The following RGS6 variants were observed in gnomAD, a reference collection of about 807,000 sequenced individuals.
RGS6 encodes regulator of G protein signaling 6.
RGS6 carries 30 observed loss-of-function variants against 78.5 expected under a neutral mutation model. The observed-to-expected ratio is 0.38, with a 90% CI of 0.29 to 0.52. The LOEUF is 0.52. Among genes scored for constraint, RGS6 ranks in the 20% least tolerant of loss-of-function variants. RGS6 has a pLI of 0.85. For synonymous variants in RGS6, 206 were observed against 206.0 expected (o/e 1.00, Z 0.00); for missense variants, 495 against 609.7 (o/e 0.81, Z 1.98).
chr14:72,590,058 C>T, the RGS6 span, among the ~76,000 whole-genome samples: 9 of 152,308 alleles, frequency 5.9e-5, no homozygotes, highest in African/African-American at 1.7e-4. Flanking sequence ...CATTAGTAGT[C>T]ATCAGAGAAA....
intron 2 of RGS6, among the ~76,000 whole-genome samples, chr14:72,246,280 C>T (rs1455126358): frequency 6.6e-6 from 1 of 152,206 alleles, no homozygotes; most frequent in Non-Finnish European, 1.5e-5. Flanking sequence ...CCCTGTGATA[C>T]TACCTAGTCC....
At chr14:72,400,651 G>A (rs1596871602) in intron 3 of RGS6, among the ~76,000 whole-genome samples, 2 of 152,318 alleles carry the variant, frequency 1.3e-5, no homozygotes, top group South Asian at 4.1e-4. Flanking sequence ...TAATTGTTCA[G>A]TATTGTTTCT....
chr14:72,565,371 A>G lies in RGS6; in HGVS notation c.*2904A>G, dbSNP rs2097705212. 6.6e-6 allele frequency: 1 copy of G among 152,262 alleles called. No individual in the cohort carries two copies. Among genetic ancestry groups the G allele is most frequent in the Admixed American group, 6.5e-5 (1 of 15,290 alleles). The allele number at this position is 152,262 out of a possible 1,614,324, so 9.4% of individuals were successfully genotyped here. A position where few individuals can be genotyped will look rare whatever the true frequency, so the allele number is the denominator to read the frequency against. On this transcript the variant is annotated 3_prime_UTR_variant, in exon 18 of 18. Coordinates refer to ENST00000553525, the MANE Select transcript of RGS6 (RefSeq NM_001204424.2). ...ACCTTTCCCTACATGGGAAGAGGAA[A>G]GCTTGTAGGCTGGCACATATAAACG...
chr14:72,034,224 G>C (rs2091345006), intron 2 of RGS6, among the ~76,000 whole-genome samples: 1 of 152,118 alleles, frequency 6.6e-6, no homozygotes, highest in South Asian at 2.1e-4. Flanking sequence ...AGAAGTGGCA[G>C]GAGTGGGCCT....
rs959017297 is a variant in RGS6 at position 72,081,590 on chromosome 14, A to G, written c.84+116715A>G. On this transcript the variant is annotated intron_variant, in intron 2 of 17. Transcript: ENST00000553525. Reference sequence around the variant, plus strand: ...TTGCAGACGAGAAGTCTGATGGTAGACTAATTATTTTCCCTTTTTAACTTA... The same window carrying G: ...TTGCAGACGAGAAGTCTGATGGTAGGCTAATTATTTTCCCTTTTTAACTTA... 4.6e-5 allele frequency among the ~76,000 whole-genome samples: 7 copies of G among 152,206 alleles called. No homozygotes were observed. The East Asian group carries it at 1.3e-3, about 29-fold the overall frequency.
chr14:72,200,485 A>G (rs748262730), intron 2 of RGS6, among the ~76,000 whole-genome samples: 1 of 152,182 alleles, frequency 6.6e-6, no homozygotes, highest in Non-Finnish European at 1.5e-5. Context: ...TTGCACTTGA[A>G]GCTTTTTGTC....
intron 13 of RGS6, among the ~76,000 whole-genome samples, chr14:72,507,117 C>T (rs933125391): frequency 4.6e-5 from 7 of 151,706 alleles, no homozygotes; most frequent in South Asian, 2.1e-4. Flanking sequence ...TGCAGTGAGC[C>T]GAGATCACCC....
intron 2 of RGS6, among the ~76,000 whole-genome samples, chr14:72,225,943 T>G (rs1030804572): frequency 6.6e-6 from 1 of 152,202 alleles, no homozygotes; most frequent in Admixed American, 6.5e-5. Flanking sequence ...CTTTCTATGC[T>G]TATAGCCATT....
intron 17 of RGS6, among the ~76,000 whole-genome samples, chr14:72,557,446 C>T (rs377618907): frequency 6.6e-6 from 1 of 152,160 alleles, no homozygotes; most frequent in Non-Finnish European, 1.5e-5. Context: ...CGGGAGTCAC[C>T]CGATGAAGTC....
At chr14:71,941,082 A>G (rs916353913) in intron 1 of RGS6, among the ~76,000 whole-genome samples, 3 of 152,178 alleles carry the variant, frequency 2.0e-5, no homozygotes, top group Non-Finnish European at 4.4e-5. Context: ...TGAAGCTGGG[A>G]GACAGAATCC....
At chr14:72,184,823 T>A (rs189963066) in intron 2 of RGS6, among the ~76,000 whole-genome samples, 1 of 152,352 alleles carries the variant, frequency 6.6e-6, no homozygotes, top group African/African-American at 2.4e-5. Flanking sequence ...TGTATTTATA[T>A]GTATTGTCTT....
intron 3 of RGS6, among the ~76,000 whole-genome samples, chr14:72,357,253 C>T (rs569195832): frequency 7.8e-4 from 118 of 150,746 alleles, no homozygotes; most frequent in African/African-American, 2.8e-3. Context: ...GTCTGTGAGA[C>T]CCTGTCTCAG....
chr14:72,176,183 G>A (rs544219753), intron 2 of RGS6, among the ~76,000 whole-genome samples: 2 of 152,326 alleles, frequency 1.3e-5, no homozygotes, highest in African/African-American at 2.4e-5. Flanking sequence ...TGATGTAAGT[G>A]CATTGCTTTG....
intron 2 of RGS6, among the ~76,000 whole-genome samples, chr14:72,295,960 G>A (rs1042686829): frequency 2.0e-5 from 3 of 152,168 alleles, no homozygotes; most frequent in Non-Finnish European, 2.9e-5. Context: ...GTAACCCACA[G>A]CTCTACCAAA....
intron 2 of RGS6, among the ~76,000 whole-genome samples, chr14:72,104,972 G>T (rs530738611): frequency 6.6e-6 from 1 of 152,320 alleles, no homozygotes; most frequent in South Asian, 2.1e-4. Context: ...AAATATTTAA[G>T]AATCAGTCGA....
chr14:72,294,806 G>T (rs2064369465), intron 2 of RGS6, among the ~76,000 whole-genome samples: 1 of 152,104 alleles, frequency 6.6e-6, no homozygotes, highest in African/African-American at 2.4e-5. Context: ...AACCGTTCAC[G>T]AAGGATCCAC....
At chr14:72,288,716 C>G (rs571293710) in intron 2 of RGS6, among the ~76,000 whole-genome samples, 1 of 152,078 alleles carries the variant, frequency 6.6e-6, no homozygotes, top group Admixed American at 6.6e-5. Context: ...GAAAGAAGGC[C>G]GGGCACATTA....
chr14:72,043,240 T>C (rs1295841501), intron 2 of RGS6, among the ~76,000 whole-genome samples: 1 of 152,200 alleles, frequency 6.6e-6, no homozygotes, highest in Non-Finnish European at 1.5e-5. Flanking sequence ...TTGAAACTTT[T>C]ATTTAGTCAA....
intron 2 of RGS6, among the ~76,000 whole-genome samples, chr14:72,052,997 C>CTT (rs2093376787): frequency 9.1e-5 from 11 of 121,286 alleles, no homozygotes; most frequent in African/African-American, 1.3e-4. Context: ...CTCTCTCTCT[C>CTT]TCTCTCTCTT....
Sources: gnomAD v4.1 joint callset for allele counts (sites outside exome capture counted in the v4.1 genomes callset) on GRCh38, gnomAD v4.1.1 for gene constraint, MANE v1.5 for transcripts, NCBI Gene and HGNC (gene_info 2026-07-23, HGNC 2026-07-21) for gene names.